PLEKHA1: variants seen among roughly 807,000 people sequenced by gnomAD.
PLEKHA1 encodes pleckstrin homology domain containing A1, also known as pleckstrin homology domain-containing family A member 1.
Under a neutral mutation model 52.0 loss-of-function variants are expected in PLEKHA1, and 34 were observed. The ratio of observed to expected loss-of-function variants is 0.65; its 90% CI spans 0.50 to 0.87. PLEKHA1 has a LOEUF of 0.87. PLEKHA1 is among the 40% of genes least tolerant of loss of function. The pLI is 0.00. For synonymous variants in PLEKHA1, 163 were observed against 170.7 expected (o/e 0.95, Z 0.35); for missense variants, 497 against 504.2 (o/e 0.99, Z 0.14).
Position 122,400,385 on chromosome 10 carries a change from T to A in PLEKHA1, c.241T>A (p.Phe81Ile). The A allele has an allele frequency of 6.2e-7, 1 of 1,607,048 alleles. No homozygotes were observed. The highest frequency in any genetic ancestry group is 8.5e-7 in the Non-Finnish European group (1 of 1,177,708). The change falls in exon 4 of 12, where the codon TTT becomes ATT. Residue 81 changes from phenylalanine (F) to isoleucine (I), a missense_variant. By Grantham distance (21) the Phe-to-Ile change is conservative. Coordinates refer to ENST00000368990, the MANE Select transcript of PLEKHA1 (RefSeq NM_001001974.4). ...TKLRPKAEFC[F>I]VMNAGMRKYF... ...GCTAAGGCCAAAGGCGGAGTTCTGT[T>A]TTGGTAAGTAGCCATGTTATATATA...
chr10:122,399,676 G>C (rs948055754), intron 3 of PLEKHA1, among the ~76,000 whole-genome samples: 10 of 152,052 alleles, frequency 6.6e-5, no homozygotes, highest in African/African-American at 2.4e-4. Flanking sequence ...TCCGTCCCCT[G>C]GGTTCACGCC....
At chr10:122,388,305 G>A (rs2096729123) in intron 1 of PLEKHA1, among the ~76,000 whole-genome samples, 1 of 151,994 alleles carries the variant, frequency 6.6e-6, no homozygotes, top group Non-Finnish European at 1.5e-5. Context: ...ATGTTTCTGA[G>A]GTTTATCTAG....
chr10:122,415,309 A>T (rs2097157858), intron 6 of PLEKHA1, among the ~76,000 whole-genome samples: 1 of 152,058 alleles, frequency 6.6e-6, no homozygotes, highest in African/African-American at 2.4e-5. Context: ...AGGGGTAGGA[A>T]CTCTAAAGTT....
At chr10:122,396,452 TTGA>T (rs1042072391) in intron 2 of PLEKHA1, among the ~76,000 whole-genome samples, 14 of 152,250 alleles carry the variant, frequency 9.2e-5, no homozygotes, top group Middle Eastern at 3.4e-3. Context: ...ATATTTACTA[TTGA>T]TGATTTATAT....
rs772828737 is a variant in PLEKHA1 at position 122,412,988 on chromosome 10, G to T, written c.411G>T (p.Lys137Asn). 2 of 1,613,544 alleles carry T rather than the reference G, an allele frequency of 1.2e-6. No individual in the cohort carries two copies. The highest frequency in any genetic ancestry group is 1.7e-6 in the Non-Finnish European group (2 of 1,179,652). The change falls in exon 6 of 12, where the codon AAG (lysine) becomes AAT (asparagine). Residue 137 changes from lysine (K) to asparagine (N), a missense_variant. Lys to Asn is a moderately conservative substitution (Grantham distance 94). Transcript: ENST00000368990. ...NLSRHGECGK[K>N]QVSYRTDIVG... ...GTCGCCATGGTGAATGTGGGAAAAA[G>T]CAAGTGTCTTACAGAACTGATATTG...
intron 1 of PLEKHA1, among the ~76,000 whole-genome samples, chr10:122,383,001 G>C (rs2096635715): frequency 1.3e-5 from 2 of 152,170 alleles, no homozygotes; most frequent in Non-Finnish European, 1.5e-5. Flanking sequence ...AGCAATGTAA[G>C]AGTTTCTGTT....
At chr10:122,377,821 A>C (rs1590172925) in intron 1 of PLEKHA1, among the ~76,000 whole-genome samples, 1 of 152,170 alleles carries the variant, frequency 6.6e-6, no homozygotes, top group East Asian at 1.9e-4. Context: ...TTATTTTAGT[A>C]AGCCTTTTAA....
intron 11 of PLEKHA1, among the ~76,000 whole-genome samples, chr10:122,427,872 C>A (rs1005077813): frequency 6.6e-6 from 1 of 152,140 alleles, no homozygotes; most frequent in Non-Finnish European, 1.5e-5. Context: ...TAGTTACTTA[C>A]ACTTTTAATA....
intron 10 of PLEKHA1, chr10:122,425,179 T>A (rs956961933): frequency 2.8e-6 from 1 of 361,678 alleles, no homozygotes; most frequent in Non-Finnish European, 4.9e-6. Context: ...TAGAACTAAG[T>A]ATTTAGAGAA....
rs1457182691 is a variant in PLEKHA1 at position 122,374,780 on chromosome 10, G to C, written c.-47G>C. On this transcript the variant is annotated 5_prime_UTR_variant, in exon 1 of 12. Coordinates refer to ENST00000368990, the MANE Select transcript of PLEKHA1 (RefSeq NM_001001974.4). ...CTCTGTGGGAGCCGGGGCCGCGGCG[G>C]CGCGGGTGCTCCGGGCCGAGGCCGC... 6.6e-6 allele frequency: 1 copy of C among 151,978 alleles called. No individual in the cohort carries two copies. The highest frequency in any genetic ancestry group is 1.9e-4 in the East Asian group (1 of 5,162). 9.4% of individuals were successfully genotyped at this position (151,978 alleles called of 1,614,324 possible).
chr10:122,439,900 C>A, the PLEKHA1 span: 18 of 152,274 alleles, frequency 1.2e-4, no homozygotes, highest in African/African-American at 4.1e-4. Context: ...TTTCTGGGGT[C>A]AGTTTTGATC....
intron 1 of PLEKHA1, among the ~76,000 whole-genome samples, chr10:122,388,136 C>T (rs2096726283): frequency 1.3e-5 from 2 of 152,190 alleles, no homozygotes; most frequent in Non-Finnish European, 2.9e-5. Flanking sequence ...AAAACATTTT[C>T]ATCACCTGTT....
chr10:122,411,142 A>T (rs1425440836), intron 5 of PLEKHA1, among the ~76,000 whole-genome samples: 1 of 152,204 alleles, frequency 6.6e-6, no homozygotes. Context: ...AGAATTCAAG[A>T]GGTATTCAGG....
chr10:122,440,043 A>G, the PLEKHA1 span: 1 of 152,238 alleles, frequency 6.6e-6, no homozygotes, highest in East Asian at 1.9e-4. Flanking sequence ...TCAACTCAAA[A>G]TATCCAATGC....
In PLEKHA1 at chr10:122,428,499, A is replaced by C. The variant is rs1224977550; in HGVS notation, c.901-1125A>C. On this transcript the variant is annotated intron_variant, in intron 11 of 11. Coordinates refer to ENST00000368990, the MANE Select transcript of PLEKHA1 (RefSeq NM_001001974.4). ...TAACGCAAACTGTTTCACTGTAGTC[A>C]TCAGGTTGGATATGTGTATTTAAAA... 5.8e-6 allele frequency: 7 copies of C among 1,200,752 alleles called. No homozygotes were observed. In the East Asian group the frequency reaches 2.1e-4, roughly 37 times the overall value. The allele number at this position is 1,200,752 out of a possible 1,614,324, so 74.4% of individuals were successfully genotyped here. A position where few individuals can be genotyped will look rare whatever the true frequency, so the allele number is the denominator to read the frequency against.
At chr10:122,412,771 A>G in intron 5 of PLEKHA1, 149 bp from the exon 6 acceptor site, 1 of 725,186 alleles carries the variant, frequency 1.4e-6, no homozygotes, top group Non-Finnish European at 2.2e-6. Flanking sequence ...AATTAGTGTG[A>G]TAACTTAAGG....
intron 1 of PLEKHA1, among the ~76,000 whole-genome samples, chr10:122,377,777 C>T (rs936511558): frequency 3.3e-5 from 5 of 152,068 alleles, no homozygotes; most frequent in Admixed American, 6.5e-5. Context: ...TTTGTGATTC[C>T]TAGAAGATGC....
the PLEKHA1 span, chr10:122,442,352 T>G: frequency 6.6e-6 from 1 of 152,178 alleles, no homozygotes; most frequent in Non-Finnish European, 1.5e-5. Context: ...TTAATGTTTT[T>G]TTTTCTGATT....
At chr10:122,438,840 ACACTAAC>A in the PLEKHA1 span, 1 of 151,606 alleles carries the variant, frequency 6.6e-6, no homozygotes, top group African/African-American at 2.4e-5. Flanking sequence ...TACATGAAAT[ACACTAAC>A]ATTAATGATA....
Sources: allele counts gnomAD v4.1 joint callset (sites outside exome capture counted in the v4.1 genomes callset), GRCh38; gene constraint gnomAD v4.1.1; transcripts MANE v1.5; gene names NCBI Gene and HGNC (gene_info 2026-07-23, HGNC 2026-07-21).